Variants in KCNU1 observed in about 807,000 individuals in gnomAD.
The protein encoded by KCNU1 is potassium channel subfamily U member 1.
KCNU1 carries 93 observed loss-of-function variants against 126.8 expected under a neutral mutation model. The ratio of observed to expected loss-of-function variants is 0.73; its 90% CI spans 0.62 to 0.87. The LOEUF is 0.87. Ranked by LOEUF, KCNU1 falls within the 40% of genes least tolerant of loss-of-function variation. The pLI is 0.00. For synonymous variants in KCNU1, 523 were observed against 494.2 expected, an observed-to-expected ratio of 1.06 and a Z score of -0.77; for missense variants, 1,330 against 1,367.1, an observed-to-expected ratio of 0.97 and a Z score of 0.43.
At chr8:36,865,355 C>A (rs1455640740) in intron 19 of KCNU1, among the ~76,000 whole-genome samples, 1 of 152,024 alleles carries the variant, frequency 6.6e-6, no homozygotes, top group Non-Finnish European at 1.5e-5. Flanking sequence ...TACTTCTGGG[C>A]ATTTATTCAA....
chr8:36,932,985 C>T lies in KCNU1; in HGVS notation c.2997C>T (p.Gly999=). The change falls in exon 26 of 27, where the codon GGC becomes GGT. Residue 999 remains glycine (G), a synonymous_variant. Transcript: ENST00000399881. ...ATCTTTTTGGAATCCTGTGTGTTGG[C>T]TTATACCGAATAATTGATGAAGAGG... The part of the protein sequence containing the change: ...SLDLFGILCV[G]LYRIIDEEEL... 1.3e-6 allele frequency: 2 copies of T among 1,573,572 alleles called. No homozygotes were observed. The highest frequency in any genetic ancestry group is 1.7e-6 in the Non-Finnish European group (2 of 1,157,662).
chr8:36,835,796 A>G (rs1804725982), intron 12 of KCNU1, among the ~76,000 whole-genome samples: 1 of 152,212 alleles, frequency 6.6e-6, no homozygotes. Flanking sequence ...GAGTAAAATA[A>G]ACACAGATAG....
At chr8:36,850,455 C>T (rs1002534439) in intron 18 of KCNU1, among the ~76,000 whole-genome samples, 1 of 143,888 alleles carries the variant, frequency 6.9e-6, no homozygotes, top group Non-Finnish European at 1.5e-5. Flanking sequence ...AATCGGTGAT[C>T]TTTTTTTTTT....
Position 36,814,237 on chromosome 8 carries a change from G to T in KCNU1, c.763G>T (p.Gly255Cys). 4 of 1,613,344 alleles carry T rather than the reference G, an allele frequency of 2.5e-6. No individual in the cohort carries two copies. The highest frequency in any genetic ancestry group is 3.4e-6 in the Non-Finnish European group (4 of 1,179,516). ...VENSGDPWLKGRNSQNISYFE... is the reference protein window; with the variant it reads ...VENSGDPWLKCRNSQNISYFE... Reference sequence around the variant, plus strand: ...AAATTCTGGTGATCCCTGGCTCAAAGGTAGAAATTCACAGAATATATCATA... The same window carrying T: ...AAATTCTGGTGATCCCTGGCTCAAATGTAGAAATTCACAGAATATATCATA... The change falls in exon 8 of 27, where the codon GGT (glycine) becomes TGT (cysteine). Residue 255 changes from glycine (G) to cysteine (C), a missense_variant. Coordinates refer to ENST00000399881, the MANE Select transcript of KCNU1 (RefSeq NM_001031836.3).
At chr8:36,786,112 C>CAAAAAAAAA (rs553860650) in intron 1 of KCNU1, among the ~76,000 whole-genome samples, 1 of 93,348 alleles carries the variant, frequency 1.1e-5, no homozygotes. Context: ...TGGACAAATG[C>CAAAAAAAAA]AAAAAAAAAA....
chr8:36,839,826 C>T (rs540978767), intron 14 of KCNU1, among the ~76,000 whole-genome samples: 10 of 152,282 alleles, frequency 6.6e-5, no homozygotes, highest in African/African-American at 1.2e-4. Context: ...CCTACACAAA[C>T]GTCAGCCACG....
intron 10 of KCNU1, among the ~76,000 whole-genome samples, chr8:36,831,110 G>A (rs1204507218): frequency 1.1e-4 from 17 of 151,760 alleles, no homozygotes; most frequent in Admixed American, 1.3e-4. Flanking sequence ...ATGGCTGCAT[G>A]GTATTCCATG....
chr8:36,877,705 T>G (rs1806325707), intron 19 of KCNU1, among the ~76,000 whole-genome samples: 1 of 152,194 alleles, frequency 6.6e-6, no homozygotes, highest in Non-Finnish European at 1.5e-5. Flanking sequence ...TATCTACACT[T>G]GTCCCTTCTT....
Position 36,849,364 on chromosome 8 carries a change from C to T in KCNU1, c.1891+3465C>T, listed in dbSNP as rs568942742. Reference sequence around the variant, plus strand: ...AGCACTTTGGGAGGCTGAGGTGGGCCGATCACTTGAGGTCAGGAGTTTGAG... The same window carrying T: ...AGCACTTTGGGAGGCTGAGGTGGGCTGATCACTTGAGGTCAGGAGTTTGAG... On this transcript the variant is annotated intron_variant, in intron 18 of 26. Coordinates refer to ENST00000399881, the MANE Select transcript of KCNU1 (RefSeq NM_001031836.3). Among the ~76,000 whole-genome samples the T allele has an allele frequency of 5.3e-5, 8 of 151,960 alleles. No homozygotes were observed. In the South Asian group the frequency reaches 1.0e-3, roughly 20 times the overall value.
chr8:36,856,233 T>C (rs540147343), intron 18 of KCNU1, among the ~76,000 whole-genome samples: 15 of 152,330 alleles, frequency 9.8e-5, no homozygotes, highest in Non-Finnish European at 1.9e-4. Context: ...TATTGGCTCT[T>C]AATATTTTTT....
chr8:36,798,890 C>T lies in KCNU1; in HGVS notation c.316-5137C>T, dbSNP rs981966269. Among the ~76,000 whole-genome samples, 44 of 152,286 alleles carry T rather than the reference C, an allele frequency of 2.9e-4. 1 individual carries two copies. The highest frequency in any genetic ancestry group is 8.7e-4 in the African/African-American group (36 of 41,560). ...TCAGGATCCCCTGAGGGCTGTGTCA[C>T]GGGCCATGGTCACTCATATTTGGCT... On this transcript the variant is annotated intron_variant, in intron 2 of 26. Transcript: ENST00000399881.
At chr8:36,788,981 G>GA (rs1802808016) in intron 2 of KCNU1, among the ~76,000 whole-genome samples, 1 of 152,184 alleles carries the variant, frequency 6.6e-6, no homozygotes, top group Non-Finnish European at 1.5e-5. Flanking sequence ...TTAATGAAGG[G>GA]AAACTGTATT....
At position 36,803,994 on chromosome 8, in the gene KCNU1, AT is replaced by A. The variant is rs1363219589; in HGVS notation, c.316-30del. 3.5e-6 allele frequency: 5 copies of A among 1,422,498 alleles called. No individual in the cohort carries two copies. In the Admixed American group the frequency reaches 7.9e-5, roughly 22 times the overall value. The allele number at this position is 1,422,498 out of a possible 1,614,324, so 88.1% of individuals were successfully genotyped here. ...GATTTATTTAATGCAAATGAAGTGG[AT>A]TTAGACATTTGTCCCTGTTTTTCAT... On this transcript the variant is annotated intron_variant, in intron 2 of 26. Coordinates refer to ENST00000399881, the MANE Select transcript of KCNU1 (RefSeq NM_001031836.3).
At chr8:36,802,962 A>C (rs1420873431) in intron 2 of KCNU1, among the ~76,000 whole-genome samples, 1 of 152,200 alleles carries the variant, frequency 6.6e-6, no homozygotes, top group African/African-American at 2.4e-5. Flanking sequence ...GAATCTCCAA[A>C]GAACAATGGG....
At chr8:36,875,719 GAAT>G (rs1240883179) in intron 19 of KCNU1, among the ~76,000 whole-genome samples, 1 of 151,938 alleles carries the variant, frequency 6.6e-6, no homozygotes, top group African/African-American at 2.4e-5. Flanking sequence ...CTAGTTCATA[GAAT>G]AATATTTTTA....
chr8:36,918,591 C>G (rs28670015), intron 22 of KCNU1, among the ~76,000 whole-genome samples: 29,135 of 150,762 alleles, frequency 0.19, 3,010 homozygotes, highest in Middle Eastern at 0.34. Flanking sequence ...GAAGAAAGAC[C>G]CCCCCACCAC....
intron 22 of KCNU1, among the ~76,000 whole-genome samples, chr8:36,912,133 G>A (rs920148380): frequency 1.3e-5 from 2 of 152,150 alleles, no homozygotes; most frequent in Non-Finnish European, 1.5e-5. Flanking sequence ...TGCAGCCTCT[G>A]ACCACAGCTG....
chr8:36,798,283 C>T (rs1334053821), intron 2 of KCNU1, among the ~76,000 whole-genome samples: 1 of 152,166 alleles, frequency 6.6e-6, no homozygotes, highest in African/African-American at 2.4e-5. Context: ...CATAAATTCT[C>T]ATCAGATGGG....
At chr8:36,884,834 TA>T (rs2117412878) in intron 19 of KCNU1, among the ~76,000 whole-genome samples, 1 of 152,240 alleles carries the variant, frequency 6.6e-6, no homozygotes, top group Non-Finnish European at 1.5e-5. Context: ...GAAGCAGTCT[TA>T]GTGAATAAGG....
Sources: gnomAD v4.1 joint callset for allele counts (sites outside exome capture counted in the v4.1 genomes callset) on GRCh38, gnomAD v4.1.1 for gene constraint, MANE v1.5 for transcripts, NCBI Gene and HGNC (gene_info 2026-07-23, HGNC 2026-07-21) for gene names.